TPRA1: variants seen among roughly 807,000 people sequenced by gnomAD.
TPRA1 encodes transmembrane protein adipocyte associated 1, also known as transmembrane protein adipocyte-associated 1.
A neutral mutation model predicts 40.1 loss-of-function variants in TPRA1; 28 were observed. The observed-to-expected ratio is 0.70, with a 90% CI of 0.52 to 0.96. The LOEUF is 0.96. TPRA1 is among the 40% of genes least tolerant of loss of function. TPRA1 has a pLI of 0.00. For missense variants in TPRA1, 441 were observed against 482.6 expected, an observed-to-expected ratio of 0.91 and a Z score of 0.81; for synonymous variants, 219 against 209.7, an observed-to-expected ratio of 1.04 and a Z score of -0.38.
intron 10 of TPRA1, 104 bp downstream of exon 10, chr3:127,575,081 C>A (rs1203400642): frequency 2.4e-6 from 3 of 1,258,522 alleles, no homozygotes; most frequent in Non-Finnish European, 3.4e-6. Context: ...CGCATGCGCA[C>A]TGTATGCATA....
upstream of TPRA1, among the ~76,000 whole-genome samples, chr3:127,592,368 T>G (rs925985649): frequency 2.1e-4 from 16 of 75,156 alleles, no homozygotes; most frequent in South Asian, 5.5e-4. Flanking sequence ...CAACATGCTG[T>G]TTTTTTTTTT....
Position 127,573,548 on chromosome 3 carries a change from G to T in TPRA1, c.1095C>A (p.Ser365Arg), listed in dbSNP as rs372160309. The change falls in exon 11 of 11, where the codon AGC becomes AGA. Residue 365 changes from serine to arginine, a missense_variant. Physicochemically the swap from Ser to Arg is moderately radical, Grantham distance 110. Transcript: ENST00000355552. ...CHTGSINSTD[S>R]ERWKAINA is the part of the protein sequence containing the mutation. Reference sequence around the variant, plus strand: ...AGGCATTGATGGCCTTCCAGCGCTCGCTGTCTGTGCTGTTGATGCTGCCAG... The same window carrying T: ...AGGCATTGATGGCCTTCCAGCGCTCTCTGTCTGTGCTGTTGATGCTGCCAG... 48 of 1,612,648 alleles carry T rather than the reference G, an allele frequency of 3.0e-5. No individual in the cohort carries two copies. Among genetic ancestry groups the T allele is most frequent in the Non-Finnish European group, 4.1e-5 (48 of 1,179,812 alleles).
In TPRA1 at chr3:127,575,700, G is replaced by T. The variant is rs55941879; in HGVS notation, c.670+49C>A. On this transcript the variant is annotated intron_variant, in intron 8 of 10. Coordinates refer to ENST00000355552, the MANE Select transcript of TPRA1 (RefSeq NM_001136053.4). ...CTACCAGCTCTACAGTGGCCCGGTA[G>T]ACTCCCTCCCATCCCCGCCTGTCCC... 1.8e-3 allele frequency: 2,953 copies of T among 1,599,122 alleles called. 4 individuals are homozygous for T. Among genetic ancestry groups the T allele is most frequent in the Non-Finnish European group, 2.4e-3 (2,788 of 1,167,908 alleles).
chr3:127,576,489 G>T lies in TPRA1; in HGVS notation c.498+128C>A. 1.1e-6 allele frequency: 1 copy of T among 926,670 alleles called. No individual in the cohort carries two copies. Among genetic ancestry groups the T allele is most frequent in the Non-Finnish European group, 1.6e-6 (1 of 630,884 alleles). 57.4% of individuals were successfully genotyped at this position (926,670 alleles called of 1,614,324 possible). On this transcript the variant is annotated intron_variant, in intron 6 of 10. Transcript: ENST00000355552. This position sits in a 1 kb window ranked among gnomAD's most constrained non-coding sequence, Gnocchi z 4.6. ...TGCCTCGGTAACAAGCACCCCATGT[G>T]ATTTCTCAGGTGCAAAGTTTTGAGA... is the stretch of plus-strand genomic sequence containing the variant.
chr3:127,595,193 A>G (rs2074229304), upstream of TPRA1, among the ~76,000 whole-genome samples: 1 of 152,244 alleles, frequency 6.6e-6, no homozygotes, highest in Non-Finnish European at 1.5e-5. Context: ...AAGGGCCATC[A>G]GGGCCATAAT....
intron 3 of TPRA1, among the ~76,000 whole-genome samples, chr3:127,577,439 A>G (rs2073680625): frequency 6.6e-6 from 1 of 152,062 alleles, no homozygotes; most frequent in Non-Finnish European, 1.5e-5. Context: ...TAGCTTTCTC[A>G]TCTATAAAAT....
Position 127,575,698 on chromosome 3 carries a change from T to C in TPRA1, c.670+51A>G, listed in dbSNP as rs759429312. ...AGCTACCAGCTCTACAGTGGCCCGGTAGACTCCCTCCCATCCCCGCCTGTC... is the reference window on the plus strand; with the variant it reads ...AGCTACCAGCTCTACAGTGGCCCGGCAGACTCCCTCCCATCCCCGCCTGTC... On this transcript the variant is annotated intron_variant, in intron 8 of 10. Transcript: ENST00000355552. The C allele has an allele frequency of 8.8e-6, 14 of 1,598,010 alleles. No homozygotes were observed. The East Asian group carries it at 2.0e-4, about 23-fold the overall frequency.
At chr3:127,584,374 CCAGGCAG>C (rs1439151027) in intron 1 of TPRA1, among the ~76,000 whole-genome samples, 1 of 138,584 alleles carries the variant, frequency 7.2e-6, no homozygotes. Flanking sequence ...CCCAGGAGCT[CCAGGCAG>C]CAGGCAGCAG....
intron 10 of TPRA1, among the ~76,000 whole-genome samples, chr3:127,574,507 G>A (rs147785668): frequency 8.5e-4 from 130 of 152,308 alleles, no homozygotes; most frequent in African/African-American, 2.6e-3. Context: ...CACCCCCAGA[G>A]AATCCAACTG....
At chr3:127,595,258 C>T (rs111853893), upstream of TPRA1, among the ~76,000 whole-genome samples, 2 of 152,358 alleles carry the variant, frequency 1.3e-5, no homozygotes, top group African/African-American at 4.8e-5. Context: ...CTGCCCCCAA[C>T]CAGTGTTTAA....
chr3:127,596,016 A>G (rs528080964), intron 1 of TPRA1, among the ~76,000 whole-genome samples: 10 of 152,240 alleles, frequency 6.6e-5, no homozygotes, highest in Admixed American at 5.9e-4. Flanking sequence ...CATCGTGTCC[A>G]GATCCCTGAT....
At position 127,573,436 on chromosome 3, in the gene TPRA1, C is replaced by T; in HGVS notation, c.*85G>A. On this transcript the variant is annotated 3_prime_UTR_variant, in exon 11 of 11. Coordinates refer to ENST00000355552, the MANE Select transcript of TPRA1 (RefSeq NM_001136053.4). ...ACAGGGCTACTGCCCACAGAACGTCCCTTGACCTGGTCCTCCTCCCCTGGG... is the reference window on the plus strand; with the variant it reads ...ACAGGGCTACTGCCCACAGAACGTCTCTTGACCTGGTCCTCCTCCCCTGGG... 1 of 1,502,556 alleles carries T rather than the reference C, an allele frequency of 6.7e-7. No individual in the cohort carries two copies. The highest frequency in any genetic ancestry group is 8.9e-7 in the Non-Finnish European group (1 of 1,125,306). 93.1% of individuals were successfully genotyped at this position (1,502,556 alleles called of 1,614,324 possible).
chr3:127,593,269 A>G (rs2074208019), upstream of TPRA1, among the ~76,000 whole-genome samples: 2 of 152,160 alleles, frequency 1.3e-5, no homozygotes, highest in Admixed American at 1.3e-4. Context: ...TCATCACCCT[A>G]CAGCAGGCTC....
chr3:127,590,803 A>G (rs1177520413), upstream of TPRA1: 1 of 150,688 alleles, frequency 6.6e-6, no homozygotes, highest in Admixed American at 6.6e-5. Context: ...AGCCTATAGG[A>G]ATAAGTCATC....
In TPRA1 at chr3:127,575,082, T is replaced by C. The variant is rs567776583; in HGVS notation, c.854+103A>G. ...TATGTATGTGCGTGCGCATGCGCAC[T>C]GTATGCATACACAGCCTCTCAGCTT... is the stretch of plus-strand genomic sequence containing the variant. On this transcript the variant is annotated intron_variant, in intron 10 of 10. Transcript: ENST00000355552. 25 of 1,268,602 alleles carry C rather than the reference T, an allele frequency of 2.0e-5. No individual in the cohort carries two copies. In the African/African-American group the frequency reaches 2.7e-4, roughly 14 times the overall value. 78.6% of individuals were successfully genotyped at this position (1,268,602 alleles called of 1,614,324 possible).
intron 1 of TPRA1, among the ~76,000 whole-genome samples, chr3:127,583,631 AC>A (rs1013048871): frequency 5.9e-5 from 9 of 151,920 alleles, no homozygotes; most frequent in African/African-American, 2.2e-4. Flanking sequence ...CTCCTTCCCT[AC>A]TGTTGGGAGG....
At chr3:127,581,921 C>CAA (rs1169900565) in intron 1 of TPRA1, among the ~76,000 whole-genome samples, 5 of 89,430 alleles carry the variant, frequency 5.6e-5, no homozygotes, top group Admixed American at 2.6e-4. Flanking sequence ...GACTCCATCT[C>CAA]AAAAAAAAAA....
intron 1 of TPRA1, 31 bp downstream of exon 1, chr3:127,590,379 G>A (rs1335831197): frequency 6.6e-6 from 1 of 152,228 alleles, no homozygotes; most frequent in African/African-American, 2.4e-5. Context: ...CTCTAGCTGC[G>A]GCAGGAGACG....
chr3:127,575,211 G>A lies in TPRA1; in HGVS notation c.828C>T (p.Tyr276=), dbSNP rs766638436. Residue 276 remains tyrosine (Y), a synonymous_variant, in exon 10 of 11, where the codon TAC becomes TAT. Coordinates refer to ENST00000355552, the MANE Select transcript of TPRA1 (RefSeq NM_001136053.4). ...LYFSFFAPLI[Y]VAFLRGFFGS... ...CGAAGAAGCCCCGGAGGAAAGCCAC[G>A]TAGATGAGCGGAGCGAAGAAGCTGA... The A allele has an allele frequency of 6.2e-6, 10 of 1,614,050 alleles. No individual in the cohort carries two copies. The highest frequency in any genetic ancestry group is 1.7e-4 in the Middle Eastern group (1 of 6,060).
Sources: allele counts gnomAD v4.1 joint callset (sites outside exome capture counted in the v4.1 genomes callset), GRCh38; gene constraint gnomAD v4.1.1; non-coding constraint Gnocchi (gnomAD v3.1); transcripts MANE v1.5; gene names NCBI Gene and HGNC (gene_info 2026-07-23, HGNC 2026-07-21).